PDXK: variants seen among roughly 807,000 people sequenced by gnomAD.
The protein encoded by PDXK is epididymis secretory sperm binding protein Li 1a.
In PDXK, 15 loss-of-function variants were observed where a neutral mutation model predicts 43.2. The observed-to-expected ratio is 0.35, with a 90% CI of 0.23 to 0.53. The LOEUF is 0.53. PDXK is among the 20% of genes least tolerant of loss of function. PDXK has a pLI of 0.92. For synonymous variants in PDXK, 172 were observed against 165.4 expected (o/e 1.04, Z -0.31); for missense variants, 343 against 417.0 (o/e 0.82, Z 1.54).
At chr21:43,738,187 G>A (rs1601804004) in intron 2 of PDXK, 4 of 296,036 alleles carry the variant, frequency 1.4e-5, no homozygotes, top group Non-Finnish European at 2.0e-5. Context: ...GGCCATCAGG[G>A]CTCTGGGTGG....
At chr21:43,741,519 C>G (rs767915357) in intron 2 of PDXK, 148 bp from the exon 3 acceptor site, 1 of 1,468,592 alleles carries the variant, frequency 6.8e-7, no homozygotes, top group Non-Finnish European at 9.0e-7. Context: ...AAGCACTGCG[C>G]CTAGTGATCT....
At chr21:43,743,002 G>A (rs540512364) in intron 3 of PDXK, among the ~76,000 whole-genome samples, 45 of 152,230 alleles carry the variant, frequency 3.0e-4, no homozygotes, top group African/African-American at 1.1e-3. Context: ...AAATGCTGCC[G>A]GGTCTGCCCT....
Position 43,740,351 on chromosome 21 carries a change from G to A in PDXK, c.143-1316G>A, listed in dbSNP as rs568067343. Among the ~76,000 whole-genome samples the A allele has an allele frequency of 1.2e-4, 19 of 152,262 alleles. No individual in the cohort carries two copies. The South Asian group carries it at 3.3e-3, about 27-fold the overall frequency. ...GGATCTTAGCCACAGGGCATGGCGCGTGGGCGCAGAGCCGGCCGTGACCCA... is the reference window on the plus strand; with the variant it reads ...GGATCTTAGCCACAGGGCATGGCGCATGGGCGCAGAGCCGGCCGTGACCCA... On this transcript the variant is annotated intron_variant, in intron 2 of 10. Transcript: ENST00000291565.
At position 43,753,538 on chromosome 21, in the gene PDXK, G is replaced by C. The variant is rs1291253394; in HGVS notation, c.623-45G>C. 2.5e-6 allele frequency: 4 copies of C among 1,577,704 alleles called. No individual in the cohort carries two copies. In the African/African-American group the frequency reaches 4.0e-5, roughly 16 times the overall value. ...CAGGGATGGGAGGCTGGCCCTGGCA[G>C]AGGAGCGGCAGATCTCAGTGACCTT... On this transcript the variant is annotated intron_variant, in intron 8 of 10. Coordinates refer to ENST00000291565, the MANE Select transcript of PDXK (RefSeq NM_003681.5).
At chr21:43,755,164 C>T (rs949971031) in intron 9 of PDXK, among the ~76,000 whole-genome samples, 19 of 152,156 alleles carry the variant, frequency 1.2e-4, no homozygotes, top group African/African-American at 4.3e-4. Context: ...CGTGCTTCCC[C>T]AGCACCTTTG....
intron 7 of PDXK, among the ~76,000 whole-genome samples, chr21:43,750,951 CAT>C (rs1030324468): frequency 2.1e-4 from 13 of 63,026 alleles, no homozygotes; most frequent in East Asian, 5.0e-4. Flanking sequence ...CGTGTTTGCA[CAT>C]GTGTGTGCAT....
chr21:43,759,232 C>G lies in PDXK; in HGVS notation c.*3169C>G, dbSNP rs2838359. ...GAAGGCAGAGCCCACAGTAGGTGCA[C>G]GGTGCAAGGCCCTGGGAGGGCACTG... On this transcript the variant is annotated 3_prime_UTR_variant, in exon 11 of 11. Coordinates refer to ENST00000291565, the MANE Select transcript of PDXK (RefSeq NM_003681.5). 121,268 of 153,180 alleles carry G rather than the reference C, an allele frequency of 0.79. 48,832 individuals carry two copies. The highest frequency in any genetic ancestry group is 0.94 in the African/African-American group (39,058 of 41,568). The allele number at this position is 153,180 out of a possible 1,614,324, so 9.5% of individuals were successfully genotyped here. A position where few individuals can be genotyped will look rare whatever the true frequency, so the allele number is the denominator to read the frequency against.
At chr21:43,721,177 A>G (rs1431278324) in intron 1 of PDXK, among the ~76,000 whole-genome samples, 1 of 152,240 alleles carries the variant, frequency 6.6e-6, no homozygotes, top group Non-Finnish European at 1.5e-5. Context: ...CTGGAGACCC[A>G]GCGAGCCTGG....
At chr21:43,752,071 A>G (rs2083759508) in intron 7 of PDXK, among the ~76,000 whole-genome samples, 1 of 151,996 alleles carries the variant, frequency 6.6e-6, no homozygotes, top group Non-Finnish European at 1.5e-5. Flanking sequence ...AGATTCTGCT[A>G]TGGACACGTG....
intron 1 of PDXK, among the ~76,000 whole-genome samples, chr21:43,733,253 A>ACCCCCCCCCCCCC (rs1226314950): frequency 8.9e-5 from 5 of 56,166 alleles, no homozygotes; most frequent in Admixed American, 2.2e-4. Context: ...CCCCATCCCC[A>ACCCCCCCCCCCCC]CCCCCCCCCC....
rs868224022 is a variant in PDXK, at chr21:43,734,942, C to T, written c.142+819C>T. Among the ~76,000 whole-genome samples the T allele has an allele frequency of 4.6e-5, 7 of 152,312 alleles. No individual in the cohort carries two copies. Among genetic ancestry groups the T allele is most frequent in the Admixed American group, 2.6e-4 (4 of 15,308 alleles). On this transcript the variant is annotated intron_variant, in intron 2 of 10. Coordinates refer to ENST00000291565, the MANE Select transcript of PDXK (RefSeq NM_003681.5). The surrounding 1 kb of genome is among the most constrained non-coding windows in gnomAD (Gnocchi z 5.0). ...GAAACAGCCTGGCAGAGCATCAGTGCGATATGTTGGAGCAGGGAGGAGGGG... is the reference window on the plus strand; with the variant it reads ...GAAACAGCCTGGCAGAGCATCAGTGTGATATGTTGGAGCAGGGAGGAGGGG...
Position 43,759,793 on chromosome 21 carries a change from A to C in PDXK, c.*3730A>C, listed in dbSNP as rs2083904847. 6.6e-6 allele frequency: 1 copy of C among 152,436 alleles called. No homozygotes were observed. The highest frequency in any genetic ancestry group is 2.1e-4 in the South Asian group (1 of 4,832). The allele number at this position is 152,436 out of a possible 1,614,324, so 9.4% of individuals were successfully genotyped here. A position where few individuals can be genotyped will look rare whatever the true frequency, so the allele number is the denominator to read the frequency against. On this transcript the variant is annotated 3_prime_UTR_variant, in exon 11 of 11. Coordinates refer to ENST00000291565, the MANE Select transcript of PDXK (RefSeq NM_003681.5). ...GCCTTTTCCTTCCACGCCGCCTCTC[A>C]CTGCCAGGCCAGCGGCTTCCGCTGA...
intron 4 of PDXK, 112 bp downstream of exon 4, chr21:43,743,919 G>GTC: frequency 1.4e-6 from 1 of 707,102 alleles, no homozygotes; most frequent in Non-Finnish European, 2.5e-6. Context: ...ACGCCTCCGT[G>GTC]CCCCGCCTCT....
intron 2 of PDXK, chr21:43,736,858 C>A: frequency 1.4e-6 from 1 of 692,880 alleles, no homozygotes; most frequent in South Asian, 1.5e-5. Flanking sequence ...GTCTTGAACT[C>A]CTTGGGCTCA....
chr21:43,750,459 G>T (rs762476644), intron 6 of PDXK, 41 bp from the exon 7 acceptor site: 4 of 1,568,390 alleles, frequency 2.6e-6, no homozygotes, highest in Non-Finnish European at 3.5e-6. Flanking sequence ...GAGAGGAGAG[G>T]CTCACCTGTC....
At chr21:43,742,868 AAAAT>A (rs2083561306) in intron 3 of PDXK, among the ~76,000 whole-genome samples, 1 of 152,192 alleles carries the variant, frequency 6.6e-6, no homozygotes, top group Non-Finnish European at 1.5e-5. Flanking sequence ...ACCCTGTCTC[AAAAT>A]AAATAAGATT....
rs199919907 is a variant in PDXK at position 43,732,405 on chromosome 21, C to A, written c.88-1664C>A. On this transcript the variant is annotated intron_variant, in intron 1 of 10. Coordinates refer to ENST00000291565, the MANE Select transcript of PDXK (RefSeq NM_003681.5). The surrounding 1 kb of genome is among the most constrained non-coding windows in gnomAD (Gnocchi z 4.1). Reference sequence around the variant, plus strand: ...GGGTAGACTCTGGAAGCGTCCAGACCAGCTTGCGATGCTGATGAATAAGCT... The same window carrying A: ...GGGTAGACTCTGGAAGCGTCCAGACAAGCTTGCGATGCTGATGAATAAGCT... 5.0e-6 allele frequency: 8 copies of A among 1,612,740 alleles called. No individual in the cohort carries two copies. Among genetic ancestry groups the A allele is most frequent in the Non-Finnish European group, 6.8e-6 (8 of 1,179,892 alleles).
chr21:43,760,181 G>GTT lies in PDXK; in HGVS notation c.*4130_*4131dup, dbSNP rs546193405. 3.3e-4 allele frequency: 49 copies of GTT among 148,044 alleles called. No individual in the cohort carries two copies. The highest frequency in any genetic ancestry group is 5.0e-4 in the African/African-American group (20 of 40,212). 9.2% of individuals were successfully genotyped at this position (148,044 alleles called of 1,614,324 possible). A position where few individuals can be genotyped will look rare whatever the true frequency, so the allele number is the denominator to read the frequency against. On this transcript the variant is annotated 3_prime_UTR_variant, in exon 11 of 11. Coordinates refer to ENST00000291565, the MANE Select transcript of PDXK (RefSeq NM_003681.5). ...AATCTTGGATTTTTTGTTTTTTTTT[G>GTT]TTTTTTTTTTTTTGAGGTGAAGTCT...
intron 5 of PDXK, among the ~76,000 whole-genome samples, chr21:43,746,708 C>T (rs1301573975): frequency 1.3e-5 from 2 of 152,166 alleles, no homozygotes; most frequent in Non-Finnish European, 2.9e-5. Context: ...CATGAGCCAC[C>T]ACGCCCAGCC....
Sources: gnomAD v4.1 joint callset for allele counts (sites outside exome capture counted in the v4.1 genomes callset) on GRCh38, gnomAD v4.1.1 for gene constraint, Gnocchi (gnomAD v3.1) non-coding constraint, MANE v1.5 for transcripts, NCBI Gene and HGNC (gene_info 2026-07-23, HGNC 2026-07-21) for gene names.